The following BBS9 variants were observed in gnomAD, a reference collection of about 807,000 sequenced individuals.
The protein encoded by BBS9 is Bardet-Biedl syndrome 9.
Under a neutral mutation model 117.7 loss-of-function variants are expected in BBS9, and 89 were observed. The observed-to-expected ratio is 0.76, with a 90% CI of 0.64 to 0.90. The LOEUF (loss-of-function observed/expected upper bound fraction) is 0.90, where lower values mean the gene tolerates loss of function less well. Ranked by LOEUF, BBS9 falls within the 40% of genes least tolerant of loss-of-function variation. BBS9 has a pLI of 0.00. For missense variants in BBS9, 982 were observed against 1,042.2 expected (o/e 0.94, Z 0.80); for synonymous variants, 379 against 370.9 (o/e 1.02, Z -0.25).
intron 9 of BBS9, among the ~76,000 whole-genome samples, chr7:33,316,025 G>A (rs2128564974): frequency 6.6e-6 from 1 of 152,170 alleles, no homozygotes; most frequent in Non-Finnish European, 1.5e-5. Context: ...TTGACAAATG[G>A]TTGTATCTGT....
At chr7:33,270,258 G>GA (rs1050468873) in intron 7 of BBS9, among the ~76,000 whole-genome samples, 3 of 151,796 alleles carry the variant, frequency 2.0e-5, no homozygotes, top group East Asian at 3.9e-4. Flanking sequence ...GCACACAGAT[G>GA]AAAAAAAACC....
At chr7:33,546,415 T>C (rs1225138613) in intron 21 of BBS9, among the ~76,000 whole-genome samples, 5 of 152,220 alleles carry the variant, frequency 3.3e-5, no homozygotes, top group Admixed American at 6.5e-5. Context: ...CTGATGAATT[T>C]ATACTTTTCC....
chr7:33,451,200 TAA>T (rs1442344935), intron 19 of BBS9, among the ~76,000 whole-genome samples: 2 of 152,162 alleles, frequency 1.3e-5, no homozygotes, highest in Admixed American at 6.5e-5. Context: ...GAAGTTTTAA[TAA>T]AGTTTTATAT....
intron 20 of BBS9, among the ~76,000 whole-genome samples, chr7:33,525,586 T>C (rs1179560116): frequency 4.6e-5 from 6 of 129,924 alleles, no homozygotes; most frequent in Non-Finnish European, 9.5e-5. Context: ...CCTTTTTTTG[T>C]TTTCCATTTG....
At chr7:33,191,809 A>T (rs1784163667) in intron 5 of BBS9, among the ~76,000 whole-genome samples, 5 of 152,198 alleles carry the variant, frequency 3.3e-5, no homozygotes, top group Admixed American at 3.3e-4. Context: ...TACAGAAGAG[A>T]TTGAAACTTG....
chr7:33,464,051 A>G (rs944560893), intron 19 of BBS9, among the ~76,000 whole-genome samples: 1 of 152,028 alleles, frequency 6.6e-6, no homozygotes, highest in African/African-American at 2.4e-5. Flanking sequence ...ATTTTTTGTT[A>G]AGTTAAAATC....
chr7:33,358,080 G>A, intron 16 of BBS9, 85 bp downstream of exon 16: 14 of 1,477,196 alleles, frequency 9.5e-6, no homozygotes, highest in East Asian at 4.6e-5. Context: ...TAATGATGGG[G>A]TAATTATCAG....
intron 12 of BBS9, among the ~76,000 whole-genome samples, chr7:33,347,231 T>C (rs1383682709): frequency 2.6e-5 from 4 of 152,156 alleles, no homozygotes; most frequent in Non-Finnish European, 5.9e-5. Context: ...TCCATGAATA[T>C]AGAAAATTGC....
At chr7:33,493,036 C>T (rs1425056510) in intron 19 of BBS9, among the ~76,000 whole-genome samples, 1 of 152,046 alleles carries the variant, frequency 6.6e-6, no homozygotes, top group Non-Finnish European at 1.5e-5. Context: ...ACTCTGTTGC[C>T]TAGGCTGGAG....
At chr7:33,324,602 T>C (rs1812457922) in intron 9 of BBS9, among the ~76,000 whole-genome samples, 1 of 71,530 alleles carries the variant, frequency 1.4e-5, no homozygotes. Flanking sequence ...TAACATCCAT[T>C]TTTTTTTTTT....
intron 19 of BBS9, among the ~76,000 whole-genome samples, chr7:33,421,117 G>A (rs1253156878): frequency 6.6e-6 from 1 of 152,070 alleles, no homozygotes; most frequent in African/African-American, 2.4e-5. Context: ...GATAAAGCAG[G>A]TTTAAGTCAT....
At chr7:33,411,011 G>GTTTTTTTTTTTTTTTTTTTTT (rs765425062) in intron 19 of BBS9, among the ~76,000 whole-genome samples, 2 of 96,424 alleles carry the variant, frequency 2.1e-5, no homozygotes, top group African/African-American at 6.8e-5. Context: ...AAATGTTGGT[G>GTTTTTTTTTTTTTTTTTTTTT]TTTTTTTTTT....
intron 19 of BBS9, among the ~76,000 whole-genome samples, chr7:33,469,261 A>G (rs1247615652): frequency 5.9e-5 from 9 of 152,176 alleles, no homozygotes; most frequent in Middle Eastern, 3.2e-3. Context: ...AAGATTGTCC[A>G]TGTCTGGGAT....
intron 19 of BBS9, among the ~76,000 whole-genome samples, chr7:33,399,360 A>G (rs1828539647): frequency 6.6e-6 from 1 of 152,190 alleles, no homozygotes; most frequent in African/African-American, 2.4e-5. Context: ...ATCACCAGAA[A>G]CATTAGCTCG....
chr7:33,353,629 GTTTATC>G (rs10576962), intron 15 of BBS9, among the ~76,000 whole-genome samples: 25,297 of 151,780 alleles, frequency 0.17, 2,331 homozygotes, highest in South Asian at 0.21. Context: ...TAATGTGGTA[GTTTATC>G]TTTATAAGTT....
rs568327173 is a variant in BBS9 at position 33,632,226 on chromosome 7, G to T, written c.2522-2951G>T. On this transcript the variant is annotated intron_variant, in intron 21 of 21. Transcript: ENST00000671952. ...TGTTACTTGGCGCTCGCCCTGCCTG[G>T]ACAATCATAAACCCTTTTGCTCAGC... 5.9e-5 allele frequency among the ~76,000 whole-genome samples: 9 copies of T among 152,268 alleles called. No homozygotes were observed. The East Asian group carries it at 1.5e-3, about 26-fold the overall frequency.
chr7:33,417,699 C>G (rs1405955659), intron 19 of BBS9, among the ~76,000 whole-genome samples: 1 of 152,176 alleles, frequency 6.6e-6, no homozygotes. Flanking sequence ...AGGAGATTTT[C>G]TAGCTAATCA....
chr7:33,268,910 T>A (rs34950347), intron 7 of BBS9, among the ~76,000 whole-genome samples: 2 of 152,080 alleles, frequency 1.3e-5, no homozygotes, highest in African/African-American at 4.8e-5. Flanking sequence ...TACAATATAA[T>A]GAGAAATATA....
intron 15 of BBS9, 108 bp from the exon 16 acceptor site, chr7:33,357,747 C>T (rs756965159): frequency 1.7e-6 from 2 of 1,162,860 alleles, no homozygotes; most frequent in Admixed American, 3.4e-5. Flanking sequence ...AATAGGCAGG[C>T]AACAAGCAAA....
Sources: allele counts gnomAD v4.1 joint callset (sites outside exome capture counted in the v4.1 genomes callset), GRCh38; gene constraint gnomAD v4.1.1; transcripts MANE v1.5; gene names NCBI Gene and HGNC (gene_info 2026-07-23, HGNC 2026-07-21).